The following NLGN1 variants were observed in gnomAD, a reference collection of about 807,000 sequenced individuals.
NLGN1 encodes the protein neuroligin-1.
In NLGN1, 12 loss-of-function variants were observed where a neutral mutation model predicts 65.5. The ratio of observed to expected loss-of-function variants is 0.18; its 90% CI spans 0.12 to 0.30. The LOEUF is 0.30. NLGN1 is among the 10% of genes least tolerant of loss of function. The pLI is 1.00. For synonymous variants in NLGN1, 350 were observed against 359.5 expected (o/e 0.97, Z 0.30); for missense variants, 750 against 1,007.1 (o/e 0.74, Z 3.46).
chr3:173,782,109 G>A (rs1238822364), intron 3 of NLGN1, among the ~76,000 whole-genome samples: 1 of 144,648 alleles, frequency 6.9e-6, no homozygotes, highest in Non-Finnish European at 1.5e-5. Context: ...TTTTTTTTTA[G>A]TTTTCTTTGT....
chr3:174,163,328 A>G (rs1228344926), intron 4 of NLGN1, among the ~76,000 whole-genome samples: 1 of 152,072 alleles, frequency 6.6e-6, no homozygotes, highest in East Asian at 1.9e-4. Flanking sequence ...TTTCTTTAAC[A>G]TACAAAGTAA....
chr3:173,915,673 G>A (rs1740581882), intron 4 of NLGN1, among the ~76,000 whole-genome samples: 1 of 152,178 alleles, frequency 6.6e-6, no homozygotes, highest in Non-Finnish European at 1.5e-5. Flanking sequence ...GTGAGTTAAA[G>A]TAAGTTTGCT....
chr3:173,819,622 A>G (rs1719789311), intron 4 of NLGN1, among the ~76,000 whole-genome samples: 1 of 152,052 alleles, frequency 6.6e-6, no homozygotes, highest in Admixed American at 6.5e-5. Context: ...GGCTTCATTC[A>G]TCCCTCTCTT....
At chr3:174,230,332 C>A (rs1740468187) in intron 4 of NLGN1, among the ~76,000 whole-genome samples, 1 of 151,880 alleles carries the variant, frequency 6.6e-6, no homozygotes, top group Non-Finnish European at 1.5e-5. Flanking sequence ...TAATGATATA[C>A]AAATTAAAAT....
the NLGN1 span, among the ~76,000 whole-genome samples, chr3:174,293,626 A>G: frequency 6.6e-6 from 1 of 151,598 alleles, no homozygotes; most frequent in African/African-American, 2.4e-5. Context: ...TGATCAACCT[A>G]TAGAATTTTA....
intron 3 of NLGN1, among the ~76,000 whole-genome samples, chr3:173,670,871 A>G (rs1164412695): frequency 6.6e-6 from 1 of 152,234 alleles, no homozygotes; most frequent in East Asian, 1.9e-4. Context: ...AGCATCTATT[A>G]TACTATAAAT....
intron 4 of NLGN1, among the ~76,000 whole-genome samples, chr3:173,988,151 AT>A (rs1720344484): frequency 6.6e-6 from 1 of 152,132 alleles, no homozygotes; most frequent in African/African-American, 2.4e-5. Context: ...TATATAATAT[AT>A]TTGGGGACAC....
At chr3:173,469,516 T>C (rs1337327908) in intron 2 of NLGN1, among the ~76,000 whole-genome samples, 1 of 152,064 alleles carries the variant, frequency 6.6e-6, no homozygotes, top group Admixed American at 6.6e-5. Flanking sequence ...GTATCACTTA[T>C]GCCAGCAATC....
At chr3:173,781,327 C>G (rs962453550) in intron 3 of NLGN1, among the ~76,000 whole-genome samples, 4 of 151,946 alleles carry the variant, frequency 2.6e-5, no homozygotes, top group African/African-American at 9.7e-5. Context: ...TTTTTCTGTG[C>G]AAATAGGATG....
At chr3:173,859,365 C>G (rs1728630811) in intron 4 of NLGN1, among the ~76,000 whole-genome samples, 1 of 152,020 alleles carries the variant, frequency 6.6e-6, no homozygotes, top group Non-Finnish European at 1.5e-5. Context: ...TTTTTTCTGC[C>G]TCTCAGACAT....
At chr3:173,636,089 G>A (rs1213041662) in intron 3 of NLGN1, among the ~76,000 whole-genome samples, 2 of 152,080 alleles carry the variant, frequency 1.3e-5, no homozygotes, top group Non-Finnish European at 2.9e-5. Context: ...CGTTTTTACA[G>A]TTCTATGAAA....
chr3:174,054,590 G>A (rs929921554), intron 4 of NLGN1, among the ~76,000 whole-genome samples: 21 of 151,914 alleles, frequency 1.4e-4, no homozygotes, highest in African/African-American at 4.8e-4. Flanking sequence ...AGAATGATTT[G>A]CTTTTGTTTG....
At chr3:174,270,370 G>A (rs532900851) in intron 4 of NLGN1, among the ~76,000 whole-genome samples, 2 of 151,568 alleles carry the variant, frequency 1.3e-5, no homozygotes, top group African/African-American at 4.8e-5. Flanking sequence ...TGGATATCCA[G>A]TTTTCCCAGC....
chr3:173,748,228 G>A (rs534238599), intron 3 of NLGN1, among the ~76,000 whole-genome samples: 20 of 152,148 alleles, frequency 1.3e-4, no homozygotes, highest in African/African-American at 4.8e-4. Flanking sequence ...GAAGGAAGCA[G>A]GTAAAAGAAA....
At chr3:173,820,518 T>C (rs1032756870) in intron 4 of NLGN1, among the ~76,000 whole-genome samples, 3 of 152,202 alleles carry the variant, frequency 2.0e-5, no homozygotes, top group Non-Finnish European at 4.4e-5. Context: ...TCAGTGACTC[T>C]CTATAACTGT....
At chr3:173,638,671 A>T (rs565529971) in intron 3 of NLGN1, among the ~76,000 whole-genome samples, 2 of 152,140 alleles carry the variant, frequency 1.3e-5, no homozygotes. Flanking sequence ...CCCCTTTCAC[A>T]TAATGGATTA....
intron 2 of NLGN1, among the ~76,000 whole-genome samples, chr3:173,471,865 A>G (rs923651224): frequency 2.0e-5 from 3 of 152,152 alleles, no homozygotes; most frequent in African/African-American, 4.8e-5. Context: ...AGAAATTCCT[A>G]TCTAAATAGA....
At chr3:174,076,676 C>T (rs1740978575) in intron 4 of NLGN1, among the ~76,000 whole-genome samples, 1 of 112,790 alleles carries the variant, frequency 8.9e-6, no homozygotes. Context: ...TCCTCTGGGA[C>T]CATAGAGAGA....
chr3:173,832,173 A>G (rs1722727102), intron 4 of NLGN1, among the ~76,000 whole-genome samples: 1 of 150,706 alleles, frequency 6.6e-6, no homozygotes, highest in South Asian at 2.1e-4. Flanking sequence ...TGTGTTGCCC[A>G]GTCTGGTCTT....
Sources: gnomAD v4.1 joint callset for allele counts (sites outside exome capture counted in the v4.1 genomes callset) on GRCh38, gnomAD v4.1.1 for gene constraint, MANE v1.5 for transcripts, NCBI Gene and HGNC (gene_info 2026-07-23, HGNC 2026-07-21) for gene names.